Variants in SDHC observed in about 807,000 individuals in gnomAD.
SDHC encodes succinate dehydrogenase cytochrome b560 subunit, mitochondrial.
Under a neutral mutation model 22.6 loss-of-function variants are expected in SDHC, and 11 were observed. That is an observed-to-expected ratio of 0.49 (90% CI 0.31 to 0.81). The LOEUF (loss-of-function observed/expected upper bound fraction) is 0.81, where lower values mean the gene tolerates loss of function less well. Ranked by LOEUF, SDHC falls within the 30% of genes least tolerant of loss-of-function variation. The probability of loss-of-function intolerance (pLI) is 0.05; values close to 1 mark genes in which losing one functional copy is unlikely to be tolerated. For missense variants in SDHC, 160 were observed against 212.0 expected, an observed-to-expected ratio of 0.75 and a Z score of 1.52; for synonymous variants, 80 against 77.8, an observed-to-expected ratio of 1.03 and a Z score of -0.15.
At chr1:161,321,434 A>T (rs574728022) in intron 1 of SDHC, among the ~76,000 whole-genome samples, 1 of 152,208 alleles carries the variant, frequency 6.6e-6, no homozygotes, top group Non-Finnish European at 1.5e-5. Flanking sequence ...CTGGGAAACA[A>T]TAGCGCTAGA....
intron 4 of SDHC, among the ~76,000 whole-genome samples, chr1:161,348,131 T>A (rs1671965058): frequency 6.6e-6 from 1 of 152,126 alleles, no homozygotes; most frequent in Non-Finnish European, 1.5e-5. Flanking sequence ...AAATAGAATT[T>A]ATTAAAAAGA....
Position 161,328,492 on chromosome 1 carries a change from C to G in SDHC, c.174C>G (p.Ile58Met). The change falls in exon 3 of 6, where the codon ATC (isoleucine) becomes ATG (methionine). Residue 58 changes from isoleucine (I) to methionine (M), a missense_variant. Around this residue, in one of 2 missense-constraint regions of SDHC, gnomAD observed 86 missense variants for 83.4 expected, o/e 1.03. Transcript: ENST00000367975. The stretch of plus-strand genomic sequence containing the variant: ...GTCCTCTGTCTCCCCACATTACTAT[C>G]TACAGGTAAGGAAGGATTCTGGAGC... Reference protein sequence around the residue: ...SNRPLSPHITIYSWSLPMAMS... With the variant: ...SNRPLSPHITMYSWSLPMAMS... 1 of 1,598,706 alleles carries G rather than the reference C, an allele frequency of 6.3e-7. No individual in the cohort carries two copies. Among genetic ancestry groups the G allele is most frequent in the Non-Finnish European group, 8.6e-7 (1 of 1,165,994 alleles).
chr1:161,337,464 A>G (rs1671538188), intron 3 of SDHC, among the ~76,000 whole-genome samples: 1 of 152,124 alleles, frequency 6.6e-6, no homozygotes, highest in Non-Finnish European at 1.5e-5. Flanking sequence ...GTCATGCAGC[A>G]TTACTTCTGC....
intron 1 of SDHC, among the ~76,000 whole-genome samples, chr1:161,319,250 T>TAAAG (rs1670747998): frequency 6.6e-6 from 1 of 151,894 alleles, no homozygotes; most frequent in Admixed American, 6.6e-5. Flanking sequence ...AATAAATAAA[T>TAAAG]AAAGTACTGT....
At chr1:161,348,425 C>T (rs1191814449) in intron 4 of SDHC, among the ~76,000 whole-genome samples, 8 of 151,670 alleles carry the variant, frequency 5.3e-5, no homozygotes, top group Non-Finnish European at 1.5e-5. Flanking sequence ...TCCCAAAGTA[C>T]TGGGATTACA....
At chr1:161,322,029 T>C (rs771546674) in intron 1 of SDHC, among the ~76,000 whole-genome samples, 1 of 152,204 alleles carries the variant, frequency 6.6e-6, no homozygotes, top group Non-Finnish European at 1.5e-5. Flanking sequence ...ATCCCTTTTC[T>C]GAAAAGCTTG....
Position 161,362,367 on chromosome 1 carries a change from A to C in SDHC, c.444A>C (p.Leu148=), listed in dbSNP as rs377230417. The change falls in exon 6 of 6, where the codon CTA becomes CTC. Residue 148 remains leucine, a synonymous_variant. Coordinates refer to ENST00000367975, the MANE Select transcript of SDHC (RefSeq NM_003001.5). ...DLGKGLKIPQ[L]YQSGVVVLVL... ...GAAAAGGCCTGAAGATTCCCCAGCT[A>C]TACCAGTCTGGAGTGGTTGTCCTGG... is the stretch of plus-strand genomic sequence containing the variant. The C allele has an allele frequency of 5.0e-6, 8 of 1,612,444 alleles. No individual in the cohort carries two copies. The African/African-American group carries it at 9.4e-5, about 19-fold the overall frequency.
At chr1:161,359,230 G>C (rs1672407094) in intron 5 of SDHC, among the ~76,000 whole-genome samples, 1 of 152,032 alleles carries the variant, frequency 6.6e-6, no homozygotes, top group African/African-American at 2.4e-5. Flanking sequence ...GGATGCTTTT[G>C]CCTTAATTTG....
intron 4 of SDHC, among the ~76,000 whole-genome samples, chr1:161,347,680 A>T (rs1211341277): frequency 6.6e-6 from 1 of 151,918 alleles, no homozygotes; most frequent in Non-Finnish European, 1.5e-5. Flanking sequence ...ATCCTGGCCA[A>T]CATGGTGAAA....
chr1:161,346,524 G>A (rs939465186), intron 4 of SDHC, among the ~76,000 whole-genome samples: 12 of 151,550 alleles, frequency 7.9e-5, no homozygotes, highest in Admixed American at 2.0e-4. Flanking sequence ...TCAGCCTCCC[G>A]ACTAGCTGGG....
intron 5 of SDHC, among the ~76,000 whole-genome samples, chr1:161,360,486 G>A (rs1323166602): frequency 6.6e-6 from 1 of 150,834 alleles, no homozygotes; most frequent in Non-Finnish European, 1.5e-5. Flanking sequence ...AACCTGGGAG[G>A]TCAAGGCCTC....
chr1:161,332,099 T>A (rs1455413523), intron 3 of SDHC, among the ~76,000 whole-genome samples: 1 of 152,150 alleles, frequency 6.6e-6, no homozygotes, highest in Non-Finnish European at 1.5e-5. Context: ...TGACTCAGCC[T>A]CCTGAGTAGC....
At chr1:161,345,389 T>G (rs1432467366) in intron 4 of SDHC, among the ~76,000 whole-genome samples, 3 of 152,200 alleles carry the variant, frequency 2.0e-5, no homozygotes, top group Admixed American at 2.0e-4. Context: ...CAGTACTCTA[T>G]TCCTTCATAG....
intron 4 of SDHC, among the ~76,000 whole-genome samples, chr1:161,345,819 T>C (rs1671873465): frequency 6.6e-6 from 1 of 151,546 alleles, no homozygotes; most frequent in Admixed American, 6.6e-5. Context: ...TTTTTTGTTT[T>C]TTTTGAGACG....
intron 3 of SDHC, 39 bp downstream of exon 3, chr1:161,328,536 T>TG (rs758142414): frequency 7.1e-7 from 1 of 1,405,862 alleles, no homozygotes; most frequent in South Asian, 1.2e-5. Flanking sequence ...CTAGAGGTAG[T>TG]GGGTGAAAGT....
intron 4 of SDHC, among the ~76,000 whole-genome samples, chr1:161,341,393 A>G (rs776393929): frequency 1.3e-5 from 2 of 152,196 alleles, no homozygotes; most frequent in Non-Finnish European, 2.9e-5. Context: ...CAGAATGTCT[A>G]TTTATTCATT....
intron 4 of SDHC, among the ~76,000 whole-genome samples, chr1:161,345,571 C>G (rs1205911105): frequency 6.6e-6 from 1 of 151,990 alleles, no homozygotes; most frequent in Non-Finnish European, 1.5e-5. Flanking sequence ...ATTCTCCTGC[C>G]TCAGCCTCCC....
chr1:161,346,461 G>A (rs1228959912), intron 4 of SDHC, among the ~76,000 whole-genome samples: 2 of 151,374 alleles, frequency 1.3e-5, no homozygotes, highest in Admixed American at 6.6e-5. Context: ...GTGCAATAGC[G>A]CGATCTCAGC....
chr1:161,318,530 C>G (rs1670711928), intron 1 of SDHC, among the ~76,000 whole-genome samples: 1 of 152,136 alleles, frequency 6.6e-6, no homozygotes, highest in Non-Finnish European at 1.5e-5. Context: ...TGTTCATGCT[C>G]CTTAAACACA....
Sources: gnomAD v4.1 joint callset for allele counts (sites outside exome capture counted in the v4.1 genomes callset) on GRCh38, gnomAD v4.1.1 for gene constraint, gnomAD v4.1.1 regional missense constraint, MANE v1.5 for transcripts, NCBI Gene and HGNC (gene_info 2026-07-23, HGNC 2026-07-21) for gene names.